The following CCDC25 variants were observed in gnomAD, a reference collection of about 807,000 sequenced individuals.
CCDC25 encodes the protein coiled-coil domain containing 25.
Under a neutral mutation model 35.3 loss-of-function variants are expected in CCDC25, and 16 were observed. The ratio of observed to expected loss-of-function variants is 0.45; its 90% CI spans 0.31 to 0.69. The LOEUF is 0.69. Ranked by LOEUF, CCDC25 falls within the 30% of genes least tolerant of loss-of-function variation. The pLI is 0.06. For synonymous variants in CCDC25, 79 were observed against 80.3 expected (o/e 0.98, Z 0.09); for missense variants, 179 against 250.7 (o/e 0.71, Z 1.93).
chr8:27,747,929 T>A (rs543637155), intron 7 of CCDC25, 148 bp downstream of exon 7: 4 of 732,860 alleles, frequency 5.5e-6, no homozygotes, highest in African/African-American at 5.3e-5. Context: ...ATGCCTTTTT[T>A]TAAAAAACTG....
intron 1 of CCDC25, 48 bp downstream of exon 1, chr8:27,772,465 C>G: frequency 6.5e-7 from 1 of 1,542,232 alleles, no homozygotes; most frequent in Non-Finnish European, 8.8e-7. Flanking sequence ...GTCCCGGCTT[C>G]GGAGCCCGCT....
At position 27,748,211 on chromosome 8, in the gene CCDC25, C is replaced by T. The variant is rs1231073034; in HGVS notation, c.417G>A (p.Glu139=). The change falls in exon 7 of 9, where the codon GAG becomes GAA. Residue 139 remains glutamate, a synonymous_variant. Transcript: ENST00000356537. ...ILNRLEKTKV[E]RFPDLAAEKE... is the part of the protein sequence containing the mutation. The stretch of plus-strand genomic sequence containing the variant: ...TCTCTGCTGCTAGGTCTGGGAACCG[C>T]TCGACTTTGGTCTTTTCTAATCGGT... The T allele has an allele frequency of 1.2e-6, 2 of 1,613,978 alleles. No individual in the cohort carries two copies.
rs1162158169 is a variant in CCDC25 at position 27,748,556 on chromosome 8, G to A, written c.287C>T (p.Ser96Phe). ...NNVNVVYTPW[S>F]NLKKTADMDV... is the part of the protein sequence containing the mutation. ...CATGTCAGCTGTTTTCTTCAGGTTA[G>A]ACCACGGCGTATATACCACATTAAC... The change falls in exon 6 of 9, where the codon TCT (serine) becomes TTT (phenylalanine). Residue 96 changes from serine (S) to phenylalanine (F), a missense_variant. Ser to Phe is a radical substitution (Grantham distance 155). Transcript: ENST00000356537. The A allele has an allele frequency of 6.2e-7, 1 of 1,613,646 alleles. No individual in the cohort carries two copies.
chr8:27,752,737 T>C (rs80105698), intron 4 of CCDC25, 150 bp from the exon 5 acceptor site: 5,162 of 501,990 alleles, frequency 0.01, 64 homozygotes, highest in South Asian at 0.043. Context: ...AAAGTAAATT[T>C]ACTGTGTGCA....
chr8:27,753,029 T>C (rs762685172), intron 4 of CCDC25: 107 of 154,174 alleles, frequency 6.9e-4, no homozygotes, highest in Non-Finnish European at 1.3e-3. Context: ...TTCTCAGACA[T>C]CTGGTAGGTC....
chr8:27,760,451 C>T (rs1804185854), intron 3 of CCDC25, among the ~76,000 whole-genome samples: 1 of 152,156 alleles, frequency 6.6e-6, no homozygotes, highest in African/African-American at 2.4e-5. Context: ...GAAAATCATC[C>T]AGCTGGGGTT....
chr8:27,752,696 C>T lies in CCDC25; in HGVS notation c.169-109G>A. 4.1e-6 allele frequency: 3 copies of T among 732,684 alleles called. No individual in the cohort carries two copies. In the Admixed American group the frequency reaches 6.7e-5, roughly 16 times the overall value. 45.4% of individuals were successfully genotyped at this position (732,684 alleles called of 1,614,324 possible). ...CTACTAGGCATGATTTTACTAAAAG[C>T]AGAGGTTCTTCAACTGTTACAGAAC... On this transcript the variant is annotated intron_variant, in intron 4 of 8. Coordinates refer to ENST00000356537, the MANE Select transcript of CCDC25 (RefSeq NM_018246.3).
chr8:27,749,829 TC>T (rs1221571452), intron 5 of CCDC25, among the ~76,000 whole-genome samples: 1 of 152,210 alleles, frequency 6.6e-6, no homozygotes, highest in Admixed American at 6.5e-5. Flanking sequence ...AAGGACATGT[TC>T]AAGGGTCATG....
intron 4 of CCDC25, among the ~76,000 whole-genome samples, chr8:27,755,370 G>A (rs2128942109): frequency 6.6e-6 from 1 of 152,274 alleles, no homozygotes; most frequent in East Asian, 1.9e-4. Context: ...AAAATAACCT[G>A]GTTACAGAAC....
intron 1 of CCDC25, among the ~76,000 whole-genome samples, chr8:27,765,539 C>T (rs532728987): frequency 6.6e-6 from 1 of 152,188 alleles, no homozygotes; most frequent in East Asian, 1.9e-4. Context: ...AGTTTACCAT[C>T]CTTACTAATA....
At chr8:27,760,315 T>C (rs905723560) in intron 3 of CCDC25, among the ~76,000 whole-genome samples, 1 of 152,236 alleles carries the variant, frequency 6.6e-6, no homozygotes, top group East Asian at 1.9e-4. Flanking sequence ...CATCTGATTA[T>C]GTAACCTTCT....
intron 1 of CCDC25, among the ~76,000 whole-genome samples, chr8:27,770,740 C>CAAAAAAA (rs10706627): frequency 7.9e-6 from 1 of 126,724 alleles, no homozygotes. Context: ...ACTCCGTCTC[C>CAAAAAAA]AAAAAAAAAA....
chr8:27,752,249 C>G (rs1803837003), intron 5 of CCDC25, among the ~76,000 whole-genome samples: 1 of 152,144 alleles, frequency 6.6e-6, no homozygotes, highest in African/African-American at 2.4e-5. Context: ...TCTAGACAAC[C>G]TTCTATTCAA....
chr8:27,739,723 C>A (rs1803370450), intron 8 of CCDC25, among the ~76,000 whole-genome samples: 1 of 152,126 alleles, frequency 6.6e-6, no homozygotes, highest in Non-Finnish European at 1.5e-5. Flanking sequence ...AACCAATCCC[C>A]CATGAATACT....
intron 7 of CCDC25, among the ~76,000 whole-genome samples, chr8:27,742,979 C>G (rs34283399): frequency 0.43 from 66,000 of 151,948 alleles, 14,599 homozygotes; most frequent in East Asian, 0.63. Context: ...TTGGAGATCT[C>G]AAGGGTATTT....
At position 27,748,281 on chromosome 8, in the gene CCDC25, T is replaced by G; in HGVS notation, c.349-2A>C. The G allele has an allele frequency of 6.2e-7, 1 of 1,610,342 alleles. No homozygotes were observed. The highest frequency in any genetic ancestry group is 1.1e-5 in the South Asian group (1 of 89,948). Reference sequence around the variant, plus strand: ...CTTCTCCACTGTCACAATTTTTACCTTTAAGGGAGATAGGAGAAAAGATAT... The same window carrying G: ...CTTCTCCACTGTCACAATTTTTACCGTTAAGGGAGATAGGAGAAAAGATAT... On this transcript the variant is annotated splice_acceptor_variant, in intron 6 of 8. Transcript: ENST00000356537. LOFTEE classifies it high-confidence loss of function.
chr8:27,766,046 G>A (rs1804390452), intron 1 of CCDC25, among the ~76,000 whole-genome samples: 1 of 152,218 alleles, frequency 6.6e-6, no homozygotes, highest in Non-Finnish European at 1.5e-5. Context: ...TATTGCAGAC[G>A]TCCCTACCTT....
At chr8:27,761,024 G>T (rs140790540) in intron 3 of CCDC25, among the ~76,000 whole-genome samples, 15,983 of 152,020 alleles carry the variant, frequency 0.11, 930 homozygotes, top group East Asian at 0.23. Flanking sequence ...AGCTACTCGG[G>T]AGGCTGAGGC....
In CCDC25 at chr8:27,741,550, C is replaced by T. The variant is rs10087571; in HGVS notation, c.552-1033G>A. Among the ~76,000 whole-genome samples, 1,514 of 152,144 alleles carry T rather than the reference C, an allele frequency of 1.0e-2. 18 individuals are homozygous for T. The highest frequency in any genetic ancestry group is 0.034 in the African/African-American group (1,402 of 41,510). ...AAAAATTAGCAAGCGTGGTGGCGTG[C>T]ACCTGTAATCCCAGCTACTCAGGAG... On this transcript the variant is annotated intron_variant, in intron 7 of 8. Coordinates refer to ENST00000356537, the MANE Select transcript of CCDC25 (RefSeq NM_018246.3).
Sources: gnomAD v4.1 joint callset for allele counts (sites outside exome capture counted in the v4.1 genomes callset) on GRCh38, gnomAD v4.1.1 for gene constraint, MANE v1.5 for transcripts, NCBI Gene and HGNC (gene_info 2026-07-23, HGNC 2026-07-21) for gene names.